Variants in WDR64 observed in about 807,000 individuals in gnomAD.
The protein encoded by WDR64 is WD repeat-containing protein 64.
Under a neutral mutation model 139.3 loss-of-function variants are expected in WDR64, and 112 were observed. The observed-to-expected ratio is 0.80, with a 90% CI of 0.69 to 0.94. The LOEUF (loss-of-function observed/expected upper bound fraction) is 0.94. Among genes scored for constraint, WDR64 ranks in the 40% least tolerant of loss-of-function variants. WDR64 has a pLI of 0.00. For synonymous variants in WDR64, 444 were observed against 437.7 expected (o/e 1.01, Z -0.18); for missense variants, 1,206 against 1,293.1 (o/e 0.93, Z 1.03).
At chr1:241,705,649 A>G (rs1667925298) in intron 8 of WDR64, among the ~76,000 whole-genome samples, 1 of 151,844 alleles carries the variant, frequency 6.6e-6, no homozygotes, top group African/African-American at 2.4e-5. Flanking sequence ...GGGCAGGGGC[A>G]TGATTATAGC....
intron 11 of WDR64, 50 bp from the exon 12 acceptor site, chr1:241,741,466 T>C: frequency 6.5e-7 from 1 of 1,528,626 alleles, no homozygotes; most frequent in Non-Finnish European, 8.8e-7. Context: ...CCCTTTGTGA[T>C]TAGAAACTTC....
At chr1:241,742,602 A>G (rs1574060800) in intron 12 of WDR64, among the ~76,000 whole-genome samples, 1 of 151,972 alleles carries the variant, frequency 6.6e-6, no homozygotes, top group Admixed American at 6.6e-5. Context: ...TGAATAATTC[A>G]CCCCTTGTTT....
intron 13 of WDR64, 57 bp from the exon 14 acceptor site, chr1:241,749,490 A>C: frequency 6.4e-7 from 1 of 1,566,364 alleles, no homozygotes; most frequent in Non-Finnish European, 8.7e-7. Flanking sequence ...CTGAGCGAAA[A>C]GCCAAGCTTT....
intron 20 of WDR64, among the ~76,000 whole-genome samples, chr1:241,773,727 A>G (rs2148305445): frequency 6.6e-6 from 1 of 152,268 alleles, no homozygotes; most frequent in East Asian, 1.9e-4. Context: ...CGGCCTCCCA[A>G]AGTGCTGCGA....
intron 6 of WDR64, among the ~76,000 whole-genome samples, chr1:241,682,707 T>G (rs1003002207): frequency 6.6e-6 from 1 of 152,214 alleles, no homozygotes; most frequent in Non-Finnish European, 1.5e-5. Flanking sequence ...CAACCTCCTC[T>G]TAATCTTCCT....
intron 11 of WDR64, among the ~76,000 whole-genome samples, chr1:241,741,262 C>A (rs1669528863): frequency 6.6e-6 from 1 of 152,148 alleles, no homozygotes; most frequent in Non-Finnish European, 1.5e-5. Context: ...TCAATGAAGT[C>A]CAAATGGCCT....
At chr1:241,755,812 A>T in intron 14 of WDR64, among the ~76,000 whole-genome samples, 1 of 152,238 alleles carries the variant, frequency 6.6e-6, no homozygotes, top group East Asian at 1.9e-4. Context: ...CATTTATTAA[A>T]TAGGGAATCC....
chr1:241,744,953 A>G (rs1017484286), intron 13 of WDR64, among the ~76,000 whole-genome samples: 1 of 152,220 alleles, frequency 6.6e-6, no homozygotes, highest in African/African-American at 2.4e-5. Flanking sequence ...CTATATTGGA[A>G]TTCTATATTG....
At chr1:241,782,295 A>G (rs1030356365) in intron 22 of WDR64, among the ~76,000 whole-genome samples, 3 of 152,212 alleles carry the variant, frequency 2.0e-5, no homozygotes, top group Non-Finnish European at 2.9e-5. Context: ...TCAAAAGAAG[A>G]AAAAAGAACT....
intron 21 of WDR64, 61 bp from the exon 22 acceptor site, chr1:241,779,943 T>G: frequency 7.8e-7 from 1 of 1,287,474 alleles, no homozygotes; most frequent in South Asian, 1.3e-5. Flanking sequence ...AACTTTTGGA[T>G]AGTATTGATT....
At chr1:241,658,313 G>GTGTGTGTC (rs1491512365) in intron 1 of WDR64, among the ~76,000 whole-genome samples, 1 of 151,490 alleles carries the variant, frequency 6.6e-6, no homozygotes, top group Non-Finnish European at 1.5e-5. Context: ...GTGTGTGTGT[G>GTGTGTGTC]TATGTGTTTA....
rs142174601 is a variant in WDR64, at chr1:241,711,803, C to G, written c.976C>G (p.Pro326Ala). 6.2e-7 allele frequency: 1 copy of G among 1,614,026 alleles called. No homozygotes were observed. The change falls in exon 9 of 28, where the codon CCT becomes GCT. Residue 326 changes from proline to alanine, a missense_variant and splice_region_variant. Pro to Ala is a conservative substitution (Grantham distance 27). Coordinates refer to ENST00000437684, the MANE Select transcript of WDR64 (RefSeq NM_001367482.1). ...TTCCATCTAATTTGTGTTTTCCAGGCCTGTCAGAGAGTTTTCCATGCCAAG... is the reference window on the plus strand; with the variant it reads ...TTCCATCTAATTTGTGTTTTCCAGGGCTGTCAGAGAGTTTTCCATGCCAAG... ...ESLKRLEDNLPVREFSMPRGA... is the reference protein window; with the variant it reads ...ESLKRLEDNLAVREFSMPRGA...
At chr1:241,675,258 C>CCCTCCCTT (rs1218272252) in intron 4 of WDR64, among the ~76,000 whole-genome samples, 1 of 99,926 alleles carries the variant, frequency 1.0e-5, no homozygotes, top group African/African-American at 4.3e-5. Context: ...CTTCCTTCCT[C>CCCTCCCTT]CCTCCCTTCC....
intron 21 of WDR64, among the ~76,000 whole-genome samples, chr1:241,776,942 C>T (rs947636818): frequency 1.3e-5 from 2 of 152,216 alleles, no homozygotes; most frequent in Non-Finnish European, 2.9e-5. Context: ...CTATCCTCAT[C>T]TACATTATAA....
chr1:241,692,510 G>A (rs1032732783), intron 8 of WDR64, among the ~76,000 whole-genome samples: 1 of 152,134 alleles, frequency 6.6e-6, no homozygotes, highest in Non-Finnish European at 1.5e-5. Flanking sequence ...GGAGCAAAGG[G>A]AATACAATGG....
At chr1:241,653,873 C>T (rs1386432069) in intron 1 of WDR64, among the ~76,000 whole-genome samples, 4 of 152,128 alleles carry the variant, frequency 2.6e-5, no homozygotes, top group African/African-American at 9.7e-5. Context: ...AGTGTTAAAG[C>T]TAAGACTTGG....
intron 19 of WDR64, among the ~76,000 whole-genome samples, chr1:241,771,952 AT>A: frequency 1.5e-5 from 1 of 65,848 alleles, no homozygotes; most frequent in African/African-American, 8.7e-5. Context: ...ATACATATAT[AT>A]ATATATATAT....
In WDR64 at chr1:241,775,228, G is replaced by C. The variant is rs1471280993; in HGVS notation, c.2536+18G>C. 32 of 1,534,456 alleles carry C rather than the reference G, an allele frequency of 2.1e-5. No individual in the cohort carries two copies. The highest frequency in any genetic ancestry group is 2.8e-5 in the Non-Finnish European group (32 of 1,135,646). ...AAATGTGGGTGAGTCATTACTCTTA[G>C]ACATTCAGTGACAGGTGTCTTAATA... On this transcript the variant is annotated intron_variant, in intron 21 of 27. Transcript: ENST00000437684.
At chr1:241,653,500 T>G (rs1665443968) in intron 1 of WDR64, among the ~76,000 whole-genome samples, 1 of 151,990 alleles carries the variant, frequency 6.6e-6, no homozygotes, top group South Asian at 2.1e-4. Context: ...GAGCTGAAGA[T>G]AAATCATTTG....
Sources: gnomAD v4.1 joint callset for allele counts (sites outside exome capture counted in the v4.1 genomes callset) on GRCh38, gnomAD v4.1.1 for gene constraint, MANE v1.5 for transcripts, NCBI Gene and HGNC (gene_info 2026-07-23, HGNC 2026-07-21) for gene names.